The following INPP4B variants were observed in gnomAD, a reference collection of about 807,000 sequenced individuals.
INPP4B encodes inositol polyphosphate-4-phosphatase type II B, also known as inositol polyphosphate 4-phosphatase type II.
Under a neutral mutation model 122.5 loss-of-function variants are expected in INPP4B, and 55 were observed. That is an observed-to-expected ratio of 0.45 (90% CI 0.36 to 0.56). INPP4B has a LOEUF of 0.56. Among genes scored for constraint, INPP4B ranks in the 20% least tolerant of loss-of-function variants. The pLI, the probability that INPP4B is intolerant of heterozygous loss-of-function variation, is 0.00. For synonymous variants in INPP4B, 403 were observed against 388.7 expected (o/e 1.04, Z -0.43); for missense variants, 1,000 against 1,097.7 (o/e 0.91, Z 1.26).
chr4:142,259,255 A>G (rs1213819627), intron 11 of INPP4B, among the ~76,000 whole-genome samples: 1 of 151,520 alleles, frequency 6.6e-6, no homozygotes, highest in Non-Finnish European at 1.5e-5. Flanking sequence ...CCTAATGCTA[A>G]ATGACGACTT....
At chr4:142,507,940 G>C (rs1429462387) in intron 2 of INPP4B, among the ~76,000 whole-genome samples, 1 of 152,076 alleles carries the variant, frequency 6.6e-6, no homozygotes, top group Non-Finnish European at 1.5e-5. Flanking sequence ...CCTTCAGCTA[G>C]ACTAAATTTC....
chr4:142,040,293 G>A (rs76053338), intron 25 of INPP4B, among the ~76,000 whole-genome samples: 2,126 of 152,256 alleles, frequency 0.014, 48 homozygotes, highest in African/African-American at 0.048. Context: ...ACCCTTGGTC[G>A]TTAGTCAGCT....
At chr4:142,111,834 C>A (rs1790288869) in intron 22 of INPP4B, among the ~76,000 whole-genome samples, 1 of 152,006 alleles carries the variant, frequency 6.6e-6, no homozygotes. Flanking sequence ...ACCTCCATCT[C>A]CCGAGTTCAA....
At chr4:142,210,724 A>G (rs3775673) in intron 12 of INPP4B, among the ~76,000 whole-genome samples, 2 of 152,236 alleles carry the variant, frequency 1.3e-5, no homozygotes, top group East Asian at 3.8e-4. Context: ...TGAAAATATT[A>G]GCTAACAATT....
At chr4:142,677,416 A>G (rs1282673533) in intron 2 of INPP4B, among the ~76,000 whole-genome samples, 4 of 152,048 alleles carry the variant, frequency 2.6e-5, no homozygotes, top group African/African-American at 9.7e-5. Flanking sequence ...TAGTTCAACT[A>G]TTGTGGAAGA....
intron 11 of INPP4B, among the ~76,000 whole-genome samples, chr4:142,251,741 T>A (rs1732185212): frequency 6.6e-6 from 1 of 152,218 alleles, no homozygotes; most frequent in Non-Finnish European, 1.5e-5. Flanking sequence ...TCTGTGTGTA[T>A]AAACAGAGCC....
At chr4:142,609,055 T>C (rs1316647789) in intron 2 of INPP4B, among the ~76,000 whole-genome samples, 2 of 152,156 alleles carry the variant, frequency 1.3e-5, no homozygotes, top group Admixed American at 1.3e-4. Flanking sequence ...TTCTTCTTAC[T>C]CTATAATGAT....
At chr4:142,410,017 G>A (rs1219802329) in intron 5 of INPP4B, among the ~76,000 whole-genome samples, 1 of 152,102 alleles carries the variant, frequency 6.6e-6, no homozygotes, top group Non-Finnish European at 1.5e-5. Context: ...TCTGTTTCCT[G>A]TGGCCATTAT....
chr4:142,029,614 C>T (rs1560867383), intron 25 of INPP4B: 1 of 985,046 alleles, frequency 1.0e-6, no homozygotes. Context: ...AATAGCCATT[C>T]TCTCCATAAA....
At chr4:142,770,203 T>C (rs1772827520) in intron 1 of INPP4B, among the ~76,000 whole-genome samples, 1 of 152,190 alleles carries the variant, frequency 6.6e-6, no homozygotes, top group Admixed American at 6.5e-5. Context: ...ATCAGATCAC[T>C]TCTTGGTCAC....
chr4:142,158,211 A>G (rs1818228307), intron 17 of INPP4B, among the ~76,000 whole-genome samples: 1 of 152,132 alleles, frequency 6.6e-6, no homozygotes, highest in Non-Finnish European at 1.5e-5. Context: ...AAAGGGCACC[A>G]CATCTTCTTT....
intron 2 of INPP4B, among the ~76,000 whole-genome samples, chr4:142,576,600 A>G (rs1235121913): frequency 1.3e-5 from 2 of 152,010 alleles, no homozygotes; most frequent in Non-Finnish European, 2.9e-5. Flanking sequence ...TCATATAATC[A>G]TATCTCCAAG....
chr4:142,225,166 T>C (rs1368718364), intron 12 of INPP4B, among the ~76,000 whole-genome samples: 1 of 152,150 alleles, frequency 6.6e-6, no homozygotes, highest in Non-Finnish European at 1.5e-5. Flanking sequence ...AAGAAGCTAC[T>C]GGGTTTCTGA....
chr4:142,371,201 T>G (rs530733283), intron 7 of INPP4B, among the ~76,000 whole-genome samples: 1 of 151,332 alleles, frequency 6.6e-6, no homozygotes, highest in East Asian at 2.0e-4. Flanking sequence ...TAAATAGTGC[T>G]GGGAGACCCA....
At chr4:142,057,303 A>G (rs1277152953) in intron 25 of INPP4B, among the ~76,000 whole-genome samples, 1 of 151,856 alleles carries the variant, frequency 6.6e-6, no homozygotes, top group Non-Finnish European at 1.5e-5. Context: ...TGTTTATTTC[A>G]CTCTAAAGTT....
Position 142,261,274 on chromosome 4 carries a change from G to T in INPP4B, c.616-710C>A, listed in dbSNP as rs1200113810. Among the ~76,000 whole-genome samples the T allele has an allele frequency of 2.0e-5, 3 of 152,162 alleles. No homozygotes were observed. The South Asian group carries it at 6.2e-4, about 32-fold the overall frequency. ...CTCTCCCTCAGCTTCCTATGAAACT[G>T]TAATGGAAAGAGGAAACAAAATTCT... On this transcript the variant is annotated intron_variant, in intron 10 of 25. Coordinates refer to ENST00000262992, the MANE Select transcript of INPP4B (RefSeq NM_001101669.3).
At chr4:142,790,938 C>A (rs539860198) in intron 1 of INPP4B, among the ~76,000 whole-genome samples, 5 of 152,170 alleles carry the variant, frequency 3.3e-5, no homozygotes, top group African/African-American at 7.2e-5. Flanking sequence ...CTCTCTAACA[C>A]CAAACACAAA....
chr4:142,418,750 T>C (rs1806263408), intron 5 of INPP4B, among the ~76,000 whole-genome samples: 1 of 152,148 alleles, frequency 6.6e-6, no homozygotes, highest in Admixed American at 6.6e-5. Flanking sequence ...GCCTGCTCCT[T>C]AAGACCCATT....
At chr4:142,115,888 C>G (rs1468900181) in intron 21 of INPP4B, among the ~76,000 whole-genome samples, 1 of 152,046 alleles carries the variant, frequency 6.6e-6, no homozygotes, top group East Asian at 1.9e-4. Context: ...AAAGTCAAGA[C>G]CCATCAGTGT....
Sources: gnomAD v4.1 joint callset for allele counts (sites outside exome capture counted in the v4.1 genomes callset) on GRCh38, gnomAD v4.1.1 for gene constraint, MANE v1.5 for transcripts, NCBI Gene and HGNC (gene_info 2026-07-23, HGNC 2026-07-21) for gene names.